The following TRPM2 variants were observed in gnomAD, a reference collection of about 807,000 sequenced individuals.
The protein encoded by TRPM2 is transient receptor potential cation channel subfamily M member 2, also known as estrogen-responsive element-associated gene 1 protein.
TRPM2 carries 161 observed loss-of-function variants against 174.0 expected under a neutral mutation model. That is an observed-to-expected ratio of 0.93 (90% CI 0.81 to 1.05). The LOEUF (loss-of-function observed/expected upper bound fraction) is 1.05. TRPM2 is among the 50% of genes least tolerant of loss of function. TRPM2 has a pLI of 0.00. For synonymous variants in TRPM2, 954 were observed against 861.3 expected (o/e 1.11, Z -1.88); for missense variants, 2,057 against 2,038.0 (o/e 1.01, Z -0.18).
At chr21:44,384,773 G>C (rs2048974182) in intron 9 of TRPM2, among the ~76,000 whole-genome samples, 1 of 152,092 alleles carries the variant, frequency 6.6e-6, no homozygotes, top group Non-Finnish European at 1.5e-5. Flanking sequence ...ACTCTGAATA[G>C]ACCTATAAGT....
Position 44,401,782 on chromosome 21 carries a change from C to T in TRPM2, c.2423C>T (p.Ala808Val). The T allele has an allele frequency of 1.2e-6, 2 of 1,613,828 alleles. No individual in the cohort carries two copies. Among genetic ancestry groups the T allele is most frequent in the Non-Finnish European group, 1.7e-6 (2 of 1,180,024 alleles). ...CACCTGAACATCCTCTCCTACTTCG[C>T]CTTCCTCTGCCTGTTCGCCTACGTG... ...VFHLNILSYF[A>V]FLCLFAYVLM... is the part of the protein sequence containing the mutation. The change falls in exon 16 of 32, where the codon GCC becomes GTC. Residue 808 changes from alanine (A) to valine (V), a missense_variant. Physicochemically the swap from Ala to Val is moderately conservative, Grantham distance 64. Transcript: ENST00000397928.
At chr21:44,435,659 C>T in intron 28 of TRPM2, among the ~76,000 whole-genome samples, 1 of 147,862 alleles carries the variant, frequency 6.8e-6, no homozygotes, top group African/African-American at 2.5e-5. Flanking sequence ...CTCTCCACAC[C>T]CATCCACGGG....
intron 12 of TRPM2, among the ~76,000 whole-genome samples, chr21:44,396,882 G>C (rs71322563): frequency 1.9e-5 from 2 of 102,998 alleles, no homozygotes; most frequent in African/African-American, 8.1e-5. Context: ...CTGTGGAGGG[G>C]TGTGGAGGGC....
In TRPM2 at chr21:44,427,079, C is replaced by T. The variant is rs111781929; in HGVS notation, c.3942C>T (p.His1314=). 4,721 of 1,604,988 alleles carry T rather than the reference C, an allele frequency of 2.9e-3. 8 individuals carry two copies. Among genetic ancestry groups the T allele is most frequent in the Non-Finnish European group, 3.7e-3 (4,365 of 1,176,526 alleles). The change falls in exon 27 of 32, where the codon CAC becomes CAT. Residue 1314 remains histidine, a synonymous_variant. Transcript: ENST00000397928. The stretch of plus-strand genomic sequence containing the variant: ...GCCTGAGGGACCGCCGGAGCTTCCA[C>T]GGGCCGTACACAGTGCAGGCCGGGT... ...VDGLRDRRSF[H]GPYTVQAGLP... is the part of the protein sequence containing the mutation.
upstream of TRPM2, among the ~76,000 whole-genome samples, chr21:44,350,842 G>T (rs2122921686): frequency 0.43 from 65,428 of 151,966 alleles, 14,169 homozygotes; most frequent in East Asian, 0.61. Flanking sequence ...CGGCTGGCGC[G>T]AGGGGACCCG....
Position 44,395,551 on chromosome 21 carries a change from G to C in TRPM2, c.1932G>C (p.Gln644His), listed in dbSNP as rs776169145. ...AGCTGGCAGGAATCATCTGGGCTCA[G>C]GTAATAAGACTGGCTTCTCAGTCTC... is the stretch of plus-strand genomic sequence containing the variant. ...RRELAGIIWA[Q>H]SQDCIAAALA... Residue 644 changes from glutamine to histidine, a missense_variant and splice_region_variant, in exon 12 of 32, where the codon CAG (glutamine) becomes CAC (histidine). Transcript: ENST00000397928. 1 of 1,612,864 alleles carries C rather than the reference G, an allele frequency of 6.2e-7. No homozygotes were observed. The highest frequency in any genetic ancestry group is 8.5e-7 in the Non-Finnish European group (1 of 1,179,918).
intron 16 of TRPM2, among the ~76,000 whole-genome samples, chr21:44,404,467 G>C (rs542644799): frequency 3.9e-5 from 6 of 152,280 alleles, no homozygotes; most frequent in Admixed American, 2.6e-4. Flanking sequence ...TGCACACACA[G>C]GTGCTGAGTG....
At chr21:44,422,146 C>G in intron 22 of TRPM2, 1 of 1,168,698 alleles carries the variant, frequency 8.6e-7, no homozygotes, top group Non-Finnish European at 1.2e-6. Flanking sequence ...ACCAAGGGCC[C>G]TAGCCTGGTC....
At chr21:44,364,366 G>A in intron 3 of TRPM2, 84 bp downstream of exon 3, 3 of 1,521,232 alleles carry the variant, frequency 2.0e-6, no homozygotes, top group Non-Finnish European at 2.7e-6. Flanking sequence ...ATTTCCTGGG[G>A]CAAGAGCAGG....
intron 9 of TRPM2, among the ~76,000 whole-genome samples, chr21:44,387,390 T>G (rs1024856154): frequency 6.6e-6 from 1 of 152,144 alleles, no homozygotes; most frequent in African/African-American, 2.4e-5. Context: ...TAACACCATA[T>G]ACAAAAACTA....
At chr21:44,403,692 C>T (rs1453038970) in intron 16 of TRPM2, among the ~76,000 whole-genome samples, 1 of 150,432 alleles carries the variant, frequency 6.6e-6, no homozygotes, top group Non-Finnish European at 1.5e-5. Context: ...CATACATGCA[C>T]ACATATACAC....
At position 44,382,787 on chromosome 21, in the gene TRPM2, G is replaced by A. The variant is rs1357256464; in HGVS notation, c.1285G>A (p.Val429Met). 8.7e-6 allele frequency: 14 copies of A among 1,613,864 alleles called. No individual in the cohort carries two copies. The highest frequency in any genetic ancestry group is 2.2e-5 in the South Asian group (2 of 91,024). Residue 429 changes from valine (V) to methionine (M), a missense_variant, in exon 9 of 32, where the codon GTG becomes ATG. By Grantham distance (21) the Val-to-Met change is conservative. Coordinates refer to ENST00000397928, the MANE Select transcript of TRPM2 (RefSeq NM_003307.4). ...GGAAGGCAAGGATGGTCAGCAGGAC[G>A]TGGATGTGGCCATCTTGCAGGCCTT... ...FREGKDGQQD[V>M]DVAILQALLK...
At chr21:44,427,242 G>A in intron 27 of TRPM2, 131 bp downstream of exon 27, 1 of 788,424 alleles carries the variant, frequency 1.3e-6, no homozygotes, top group Non-Finnish European at 2.0e-6. Context: ...GCCACCGAAA[G>A]GAAGAAAACA....
Position 44,395,505 on chromosome 21 carries a change from C to G in TRPM2, c.1886C>G (p.Ala629Gly), listed in dbSNP as rs1217266313. 4.3e-6 allele frequency: 7 copies of G among 1,613,122 alleles called. No individual in the cohort carries two copies. The highest frequency in any genetic ancestry group is 5.9e-6 in the Non-Finnish European group (7 of 1,179,962). ...MDPIRDLLIW[A>G]IVQNRRELAG... Reference sequence around the variant, plus strand: ...CCCATCCGTGACCTTCTCATTTGGGCCATTGTCCAGAACCGTCGGGAGCTG... The same window carrying G: ...CCCATCCGTGACCTTCTCATTTGGGGCATTGTCCAGAACCGTCGGGAGCTG... The change falls in exon 12 of 32, where the codon GCC becomes GGC. Residue 629 changes from alanine to glycine, a missense_variant. Physicochemically the swap from Ala to Gly is moderately conservative, Grantham distance 60. Transcript: ENST00000397928.
At chr21:44,406,863 C>A in intron 19 of TRPM2, 98 bp downstream of exon 19, 2 of 1,432,764 alleles carry the variant, frequency 1.4e-6, no homozygotes, top group Non-Finnish European at 1.9e-6. Context: ...CCGGCTCCAT[C>A]AGGGGGTCCT....
intron 27 of TRPM2, among the ~76,000 whole-genome samples, chr21:44,428,218 T>C (rs1212991708): frequency 1.3e-5 from 2 of 152,172 alleles, no homozygotes; most frequent in South Asian, 4.1e-4. Context: ...ATTCATTTGA[T>C]ACATTTTAAA....
chr21:44,417,365 C>CTG (rs1300959297), intron 20 of TRPM2, among the ~76,000 whole-genome samples: 13 of 98,562 alleles, frequency 1.3e-4, no homozygotes, highest in East Asian at 7.0e-4. Context: ...GCTCTGCTCT[C>CTG]TGGCATCACA....
rs1555887883 is a variant in TRPM2, at chr21:44,369,493, G to GTA, written c.771+150_771+151insTA. On this transcript the variant is annotated intron_variant, in intron 5 of 31. Transcript: ENST00000397928. ...GTGGGGAGCAGGCGGAGTGTGCGGGGGCCGGGGTGTGGGTGACGTCTGACC... is the reference window on the plus strand; with the variant it reads ...GTGGGGAGCAGGCGGAGTGTGCGGGGTAGCCGGGGTGTGGGTGACGTCTGACC... 2.4e-4 allele frequency: 211 copies of GTA among 879,950 alleles called. 1 individual carries two copies. The Middle Eastern group carries it at 4.3e-3, about 18-fold the overall frequency. The allele number at this position is 879,950 out of a possible 1,614,324, so 54.5% of individuals were successfully genotyped here. A position where few individuals can be genotyped will look rare whatever the true frequency, so the allele number is the denominator to read the frequency against.
intron 8 of TRPM2, among the ~76,000 whole-genome samples, chr21:44,381,980 A>G (rs941286159): frequency 7.5e-6 from 1 of 133,406 alleles, no homozygotes; most frequent in South Asian, 2.4e-4. Flanking sequence ...ATAGATAGAT[A>G]GATAGATAGA....
Sources: allele counts gnomAD v4.1 joint callset (sites outside exome capture counted in the v4.1 genomes callset), GRCh38; gene constraint gnomAD v4.1.1; transcripts MANE v1.5; gene names NCBI Gene and HGNC (gene_info 2026-07-23, HGNC 2026-07-21).